Variants in PIK3C2G observed in about 807,000 individuals in gnomAD.
PIK3C2G encodes phosphatidylinositol-4-phosphate 3-kinase catalytic subunit type 2 gamma.
A neutral mutation model predicts 181.1 loss-of-function variants in PIK3C2G; 168 were observed. That is an observed-to-expected ratio of 0.93 (90% CI 0.82 to 1.05). The LOEUF (loss-of-function observed/expected upper bound fraction) is 1.05. PIK3C2G is among the 50% of genes least tolerant of loss of function. The probability of loss-of-function intolerance (pLI) is 0.00; values close to 1 mark genes in which losing one functional copy is unlikely to be tolerated. For missense variants in PIK3C2G, 1,869 were observed against 1,732.8 expected, an observed-to-expected ratio of 1.08 and a Z score of -1.40; for synonymous variants, 573 against 592.2, an observed-to-expected ratio of 0.97 and a Z score of 0.47.
At chr12:18,617,007 CTCTAA>C (rs1948635745) in intron 31 of PIK3C2G, among the ~76,000 whole-genome samples, 1 of 152,048 alleles carries the variant, frequency 6.6e-6, no homozygotes, top group Non-Finnish European at 1.5e-5. Context: ...TGAATTAAAA[CTCTAA>C]TCTAATGCAG....
chr12:18,648,359 G>T lies in PIK3C2G; in HGVS notation c.*331G>T, dbSNP rs1950264828. 1 of 224,888 alleles carries T rather than the reference G, an allele frequency of 4.4e-6. No homozygotes were observed. Among genetic ancestry groups the T allele is most frequent in the African/African-American group, 2.2e-5 (1 of 44,874 alleles). 13.9% of individuals were successfully genotyped at this position (224,888 alleles called of 1,614,324 possible). A position where few individuals can be genotyped will look rare whatever the true frequency, so the allele number is the denominator to read the frequency against. ...AATTGTGTGCCTACAGTTAAAAGCA[G>T]TATTTTTAATGTATTTTATAAGAAA... On this transcript the variant is annotated 3_prime_UTR_variant, in exon 33 of 33. Transcript: ENST00000538779.
the PIK3C2G span, among the ~76,000 whole-genome samples, chr12:18,656,898 G>A: frequency 6.6e-6 from 1 of 152,152 alleles, no homozygotes; most frequent in South Asian, 2.1e-4. Flanking sequence ...GAGAGATGTG[G>A]TGTTAAAGTT....
intron 24 of PIK3C2G, among the ~76,000 whole-genome samples, chr12:18,529,885 A>T (rs1467480405): frequency 6.6e-6 from 1 of 152,184 alleles, no homozygotes; most frequent in Non-Finnish European, 1.5e-5. Context: ...CTAGAGCAGA[A>T]CATATTATGA....
intron 3 of PIK3C2G, among the ~76,000 whole-genome samples, chr12:18,287,636 A>G (rs1949505660): frequency 6.6e-6 from 1 of 151,864 alleles, no homozygotes; most frequent in Non-Finnish European, 1.5e-5. Context: ...CAGGTGGATC[A>G]CTGGAGGCCA....
At chr12:18,412,136 G>C (rs561793073) in intron 16 of PIK3C2G, among the ~76,000 whole-genome samples, 2 of 152,126 alleles carry the variant, frequency 1.3e-5, no homozygotes, top group Admixed American at 1.3e-4. Context: ...GAAAAGAGAA[G>C]AGTAATGACG....
rs189211372 is a variant in PIK3C2G at position 18,415,966 on chromosome 12, G to A, written c.2316-4975G>A. On this transcript the variant is annotated intron_variant, in intron 16 of 32. Coordinates refer to ENST00000538779, the MANE Select transcript of PIK3C2G (RefSeq NM_001288772.2). ...GTTCATAAGGTTTAAGAAAAAAGCC[G>A]GGCGGGCGCAGTGGCTTATGCCTGT... Among the ~76,000 whole-genome samples, 197 of 152,280 alleles carry A rather than the reference G, an allele frequency of 1.3e-3. 1 individual carries two copies. Among genetic ancestry groups the A allele is most frequent in the African/African-American group, 4.5e-3 (187 of 41,564 alleles).
At position 18,488,579 on chromosome 12, in the gene PIK3C2G, C is replaced by A. The variant is rs770652628; in HGVS notation, c.2635C>A (p.Leu879Met). Residue 879 changes from leucine (L) to methionine (M), a missense_variant, in exon 19 of 33, where the codon CTG becomes ATG. Physicochemically the swap from Leu to Met is conservative, Grantham distance 15. Coordinates refer to ENST00000538779, the MANE Select transcript of PIK3C2G (RefSeq NM_001288772.2). ...CAAGGAGCAGAAACTTATCAAAATTCTGGGAGATATTGGGGAAAGAGTCAA... is the reference window on the plus strand; with the variant it reads ...CAAGGAGCAGAAACTTATCAAAATTATGGGAGATATTGGGGAAAGAGTCAA... ...FSKEQKLIKI[L>M]GDIGERVKSA... The A allele has an allele frequency of 5.1e-6, 8 of 1,571,808 alleles. No individual in the cohort carries two copies. In the South Asian group the frequency reaches 9.5e-5, roughly 19 times the overall value.
intron 29 of PIK3C2G, among the ~76,000 whole-genome samples, chr12:18,593,892 G>A (rs1947214916): frequency 6.6e-6 from 1 of 151,146 alleles, no homozygotes; most frequent in African/African-American, 2.4e-5. Flanking sequence ...GCATCTTTCT[G>A]TCTTGATATA....
In PIK3C2G at chr12:18,306,940, C is replaced by T. The variant is rs140555088; in HGVS notation, c.1035-7022C>T. ...ACTTCTTACATGTAAGAATAAAGAA[C>T]ATTTTAGCTTAATTCAAATTATATA... On this transcript the variant is annotated intron_variant, in intron 5 of 32. Coordinates refer to ENST00000538779, the MANE Select transcript of PIK3C2G (RefSeq NM_001288772.2). Among the ~76,000 whole-genome samples the T allele has an allele frequency of 2.8e-3, 418 of 151,648 alleles. 3 individuals carry two copies. The highest frequency in any genetic ancestry group is 7.5e-3 in the African/African-American group (309 of 41,420).
At chr12:18,562,172 A>C (rs947627792) in intron 26 of PIK3C2G, among the ~76,000 whole-genome samples, 1 of 152,188 alleles carries the variant, frequency 6.6e-6, no homozygotes. Flanking sequence ...TCGCTCTGTC[A>C]CCAGGCTGGA....
In PIK3C2G at chr12:18,542,673, T is replaced by A. The variant is rs138580108; in HGVS notation, c.3481-3650T>A. Among the ~76,000 whole-genome samples the A allele has an allele frequency of 7.7e-3, 1,178 of 152,030 alleles. 13 individuals are homozygous for A. The highest frequency in any genetic ancestry group is 0.027 in the African/African-American group (1,117 of 41,524). On this transcript the variant is annotated intron_variant, in intron 25 of 32. Coordinates refer to ENST00000538779, the MANE Select transcript of PIK3C2G (RefSeq NM_001288772.2). The stretch of plus-strand genomic sequence containing the variant: ...GAATATGCAGTATGTGGTTTTCTGT[T>A]CCTGCATTAGTTTGCTAAGGATAAT...
At chr12:18,630,897 G>A (rs1178442500) in intron 31 of PIK3C2G, among the ~76,000 whole-genome samples, 2 of 151,970 alleles carry the variant, frequency 1.3e-5, no homozygotes, top group African/African-American at 4.8e-5. Context: ...CTTATATTGA[G>A]GATCAGACTG....
chr12:18,659,808 A>G, the PIK3C2G span, among the ~76,000 whole-genome samples: 1 of 152,030 alleles, frequency 6.6e-6, no homozygotes, highest in African/African-American at 2.4e-5. Flanking sequence ...ATATCACCTA[A>G]TGCTAAAATA....
intron 2 of PIK3C2G, among the ~76,000 whole-genome samples, chr12:18,283,883 C>CT (rs1949328955): frequency 6.6e-6 from 1 of 151,978 alleles, no homozygotes; most frequent in African/African-American, 2.4e-5. Context: ...AACATAAATC[C>CT]TTGAGAAAAG....
At chr12:18,583,426 A>G (rs914990143) in intron 29 of PIK3C2G, among the ~76,000 whole-genome samples, 1 of 152,048 alleles carries the variant, frequency 6.6e-6, no homozygotes, top group Non-Finnish European at 1.5e-5. Flanking sequence ...CTGAGTCTCC[A>G]GCATCCCTCG....
In PIK3C2G at chr12:18,594,551, T is replaced by G. The variant is rs376273697; in HGVS notation, c.4069T>G (p.Ser1357Ala). ...GGCTGTGCAACAAACAGTTGAAGAA[T>G]CATCACCTGTGTACCTAGGTAAGTA... is the stretch of plus-strand genomic sequence containing the variant. ...SEAVQQTVEE[S>A]SPVYLGEKFP... is the part of the protein sequence containing the mutation. The change falls in exon 30 of 33, where the codon TCA becomes GCA. Residue 1357 changes from serine to alanine, a missense_variant. Coordinates refer to ENST00000538779, the MANE Select transcript of PIK3C2G (RefSeq NM_001288772.2). The G allele has an allele frequency of 6.5e-7, 1 of 1,545,098 alleles. No homozygotes were observed. Among genetic ancestry groups the G allele is most frequent in the Non-Finnish European group, 8.7e-7 (1 of 1,148,244 alleles).
intron 19 of PIK3C2G, among the ~76,000 whole-genome samples, chr12:18,490,724 T>C (rs560127573): frequency 6.6e-6 from 1 of 152,342 alleles, no homozygotes; most frequent in African/African-American, 2.4e-5. Context: ...TTCCTTTTTA[T>C]GGTTGGATAG....
chr12:18,522,370 G>A (rs996121984), intron 24 of PIK3C2G, among the ~76,000 whole-genome samples: 2 of 151,716 alleles, frequency 1.3e-5, no homozygotes, highest in Admixed American at 1.3e-4. Flanking sequence ...TTTGTTTTTT[G>A]TTATTAATTA....
At chr12:18,696,711 G>A in the PIK3C2G span, among the ~76,000 whole-genome samples, 24 of 151,888 alleles carry the variant, frequency 1.6e-4, no homozygotes, top group Non-Finnish European at 2.6e-4. Context: ...AAAGCTATAC[G>A]ATTCCAGCTA....
Sources: gnomAD v4.1 joint callset for allele counts (sites outside exome capture counted in the v4.1 genomes callset) on GRCh38, gnomAD v4.1.1 for gene constraint, MANE v1.5 for transcripts, NCBI Gene and HGNC (gene_info 2026-07-23, HGNC 2026-07-21) for gene names.